Variants in SCIMP observed in about 807,000 individuals in gnomAD.
SCIMP encodes the protein SLP adaptor and CSK interacting membrane protein, also known as SLP adapter and CSK-interacting membrane protein.
In SCIMP, 18 loss-of-function variants were observed where a neutral mutation model predicts 22.0. The ratio of observed to expected loss-of-function variants is 0.82; its 90% CI spans 0.56 to 1.21. SCIMP has a LOEUF of 1.21. Ranked by LOEUF, SCIMP falls within the 50% of genes most tolerant of loss-of-function variation. SCIMP has a pLI of 0.00. For synonymous variants in SCIMP, 53 were observed against 62.2 expected (o/e 0.85, Z 0.70); for missense variants, 155 against 171.2 (o/e 0.91, Z 0.53).
In SCIMP at chr17:5,234,820, C is replaced by T; in HGVS notation, c.-65G>A. 6.3e-7 allele frequency: 1 copy of T among 1,575,918 alleles called. No individual in the cohort carries two copies. Among genetic ancestry groups the T allele is most frequent in the Non-Finnish European group, 8.6e-7 (1 of 1,160,206 alleles). On this transcript the variant is annotated 5_prime_UTR_variant, in exon 1 of 5. An upstream start codon of the reference 5' UTR is lost. Transcript: ENST00000574081. ...CAGCTCAGGCACAGCTGGTGAGAGG[C>T]ATTCCTCACTCACAGGCCTTCACCC...
chr17:5,222,912 A>G (rs2585273), intron 2 of SCIMP, among the ~76,000 whole-genome samples: 84,654 of 151,654 alleles, frequency 0.56, 25,572 homozygotes, highest in Non-Finnish European at 0.7. Flanking sequence ...GGATCCCACC[A>G]CCTGGGCTTC....
intron 1 of SCIMP, among the ~76,000 whole-genome samples, chr17:5,232,258 C>T (rs920771865): frequency 8.6e-5 from 13 of 150,844 alleles, no homozygotes; most frequent in Non-Finnish European, 1.8e-4. Context: ...GGTGGTCCCC[C>T]GCTGAGTCTT....
At chr17:5,229,142 C>G (rs1402451101) in intron 1 of SCIMP, among the ~76,000 whole-genome samples, 1 of 152,066 alleles carries the variant, frequency 6.6e-6, no homozygotes, top group Non-Finnish European at 1.5e-5. Context: ...TCTCCCCATT[C>G]CTCTAGTTGT....
At chr17:5,218,694 G>A (rs892801605) in intron 3 of SCIMP, among the ~76,000 whole-genome samples, 2 of 152,126 alleles carry the variant, frequency 1.3e-5, no homozygotes, top group Admixed American at 6.6e-5. Flanking sequence ...TGACACATTT[G>A]TCTTATTCTT....
At chr17:5,215,741 A>G (rs1422173914) in intron 3 of SCIMP, among the ~76,000 whole-genome samples, 1 of 152,204 alleles carries the variant, frequency 6.6e-6, no homozygotes, top group East Asian at 1.9e-4. Context: ...TCTGTTCACC[A>G]AAACATGCAT....
chr17:5,223,706 C>T (rs913283782), intron 1 of SCIMP: 18 of 404,872 alleles, frequency 4.4e-5, no homozygotes, highest in South Asian at 6.7e-5. Context: ...CCTGCCACCA[C>T]GCCTGGCTAA....
chr17:5,210,545 A>G lies in SCIMP; in HGVS notation c.*256T>C. The G allele has an allele frequency of 2.7e-6, 1 of 375,930 alleles. No individual in the cohort carries two copies. Among genetic ancestry groups the G allele is most frequent in the Non-Finnish European group, 4.7e-6 (1 of 212,390 alleles). 23.3% of individuals were successfully genotyped at this position (375,930 alleles called of 1,614,324 possible). A position where few individuals can be genotyped will look rare whatever the true frequency, so the allele number is the denominator to read the frequency against. ...GAGCCCCGTGGTCCTTCCCATGGAA[A>G]GTTTCCTCAACAGCACAAGGCTGAC... is the stretch of plus-strand genomic sequence containing the variant. On this transcript the variant is annotated 3_prime_UTR_variant, in exon 5 of 5. Coordinates refer to ENST00000574081, the MANE Select transcript of SCIMP (RefSeq NM_207103.3).
intron 1 of SCIMP, among the ~76,000 whole-genome samples, chr17:5,233,288 G>A (rs539674459): frequency 1.3e-5 from 2 of 151,996 alleles, no homozygotes; most frequent in Non-Finnish European, 1.5e-5. Flanking sequence ...TTGCATTTTC[G>A]CTGGCCCCTA....
intron 4 of SCIMP, among the ~76,000 whole-genome samples, chr17:5,211,765 G>A (rs1268083080): frequency 6.6e-6 from 1 of 152,012 alleles, no homozygotes; most frequent in African/African-American, 2.4e-5. Context: ...TACAGAACAG[G>A]TTCATAGGAG....
intron 3 of SCIMP, chr17:5,215,401 T>G (rs1444081716): frequency 6.2e-6 from 1 of 161,680 alleles, no homozygotes; most frequent in East Asian, 1.8e-4. Context: ...TCACCTGAGG[T>G]CAGGAGTTCA....
At chr17:5,221,197 A>C (rs2074604577) in intron 3 of SCIMP, 90 bp downstream of exon 3, 2 of 927,360 alleles carry the variant, frequency 2.2e-6, no homozygotes, top group East Asian at 4.8e-5. Flanking sequence ...CGGATGTCTC[A>C]GTCATACTGG....
intron 3 of SCIMP, among the ~76,000 whole-genome samples, chr17:5,216,162 A>G (rs2074564202): frequency 6.6e-6 from 1 of 152,082 alleles, no homozygotes; most frequent in Non-Finnish European, 1.5e-5. Flanking sequence ...TGATTGCACC[A>G]CTGTACTCCA....
At chr17:5,232,222 T>G (rs146450735) in intron 1 of SCIMP, among the ~76,000 whole-genome samples, 48 of 152,362 alleles carry the variant, frequency 3.2e-4, no homozygotes, top group African/African-American at 1.2e-3. Context: ...TGCAGTTGTT[T>G]GCGCTGATGC....
At chr17:5,220,693 G>A (rs530120304) in intron 3 of SCIMP, among the ~76,000 whole-genome samples, 5 of 151,944 alleles carry the variant, frequency 3.3e-5, no homozygotes, top group African/African-American at 7.2e-5. Flanking sequence ...GCAGTGAGCC[G>A]AGATTGCGCC....
intron 3 of SCIMP, among the ~76,000 whole-genome samples, chr17:5,220,282 CAGAAT>C (rs2074596120): frequency 3.3e-5 from 5 of 152,028 alleles, no homozygotes; most frequent in Admixed American, 3.3e-4. Flanking sequence ...TGACCTTTGT[CAGAAT>C]AGATGAGAGT....
At chr17:5,233,857 C>G (rs1018005818) in intron 1 of SCIMP, 1 of 152,188 alleles carries the variant, frequency 6.6e-6, no homozygotes, top group African/African-American at 2.4e-5. Flanking sequence ...CGAGAACTCA[C>G]GCCAGCCCAA....
chr17:5,212,087 A>G (rs1387603333), intron 4 of SCIMP, among the ~76,000 whole-genome samples: 5 of 152,074 alleles, frequency 3.3e-5, no homozygotes, highest in Non-Finnish European at 5.9e-5. Flanking sequence ...AACAAAAAAC[A>G]AACAAAAAGA....
intron 3 of SCIMP, among the ~76,000 whole-genome samples, chr17:5,219,163 CA>C (rs1482877014): frequency 1.3e-5 from 2 of 151,262 alleles, no homozygotes; most frequent in African/African-American, 4.9e-5. Context: ...ACTAAAAATA[CA>C]AAAAATTAGC....
intron 3 of SCIMP, 100 bp downstream of exon 3, chr17:5,221,187 C>G: frequency 1.1e-6 from 1 of 871,022 alleles, no homozygotes; most frequent in South Asian, 1.3e-5. Context: ...ACAGGAAATG[C>G]GGATGTCTCA....
Sources: allele counts gnomAD v4.1 joint callset (sites outside exome capture counted in the v4.1 genomes callset), GRCh38; gene constraint gnomAD v4.1.1; transcripts MANE v1.5; gene names NCBI Gene and HGNC (gene_info 2026-07-23, HGNC 2026-07-21).